Variants in PPP2R5C observed in about 807,000 individuals in gnomAD.
PPP2R5C encodes protein phosphatase 2 regulatory subunit B'gamma, also known as serine/threonine-protein phosphatase 2A 56 kDa regulatory subunit gamma isoform.
In PPP2R5C, 7 loss-of-function variants were observed where a neutral mutation model predicts 68.9. That is an observed-to-expected ratio of 0.10 (90% CI 0.06 to 0.19). The LOEUF (loss-of-function observed/expected upper bound fraction) is 0.19, where lower values mean the gene tolerates loss of function less well. PPP2R5C is among the 10% of genes least tolerant of loss of function. PPP2R5C has a pLI of 1.00. For missense variants in PPP2R5C, 348 were observed against 641.3 expected (o/e 0.54, Z 4.94); for synonymous variants, 210 against 222.2 (o/e 0.95, Z 0.49).
At position 101,781,836 on chromosome 14, in the gene PPP2R5C, G is replaced by A. The variant is rs2140030943; in HGVS notation, c.94-4182G>A. On this transcript the variant is annotated intron_variant, in intron 2 of 14. Transcript: ENST00000328724. The surrounding 1 kb of genome is among the most constrained non-coding windows in gnomAD (Gnocchi z 6.4). ...GTTTCCTTTCCGTCCCGTCTCGGGG[G>A]CTTCATCCTCCAGCCGTGGCCGTGG... 6.6e-6 allele frequency among the ~76,000 whole-genome samples: 1 copy of A among 151,964 alleles called. No homozygotes were observed. The highest frequency in any genetic ancestry group is 2.0e-4 in the East Asian group (1 of 5,106).
At chr14:101,815,905 A>G (rs1194824097) in intron 1 of PPP2R5C, among the ~76,000 whole-genome samples, 2 of 152,156 alleles carry the variant, frequency 1.3e-5, no homozygotes, top group African/African-American at 4.8e-5. Flanking sequence ...CCTGACCTCA[A>G]GTGATCCGCC....
chr14:101,873,843 G>A (rs7147310), intron 2 of PPP2R5C, among the ~76,000 whole-genome samples: 12,818 of 152,156 alleles, frequency 0.084, 1,305 homozygotes, highest in African/African-American at 0.23. Flanking sequence ...AGCCTGGGGC[G>A]GTGTGGGACG....
At chr14:101,802,124 G>A (rs1449505725) in intron 3 of PPP2R5C, among the ~76,000 whole-genome samples, 1 of 152,182 alleles carries the variant, frequency 6.6e-6, no homozygotes, top group Admixed American at 6.5e-5. Context: ...AAAGAATGAA[G>A]CGGGACCTGG....
At chr14:101,791,547 T>A (rs1192463418) in intron 3 of PPP2R5C, among the ~76,000 whole-genome samples, 2 of 152,204 alleles carry the variant, frequency 1.3e-5, no homozygotes, top group Non-Finnish European at 2.9e-5. Flanking sequence ...CCCTGTTAAG[T>A]TGATACGAAA....
chr14:101,897,196 C>G (rs1243080244), intron 8 of PPP2R5C, among the ~76,000 whole-genome samples: 1 of 152,172 alleles, frequency 6.6e-6, no homozygotes, highest in African/African-American at 2.4e-5. Context: ...CAGCATCAAG[C>G]ATAGTCAAGG....
At chr14:101,831,611 T>G (rs2040744985) in intron 1 of PPP2R5C, 7 of 591,580 alleles carry the variant, frequency 1.2e-5, no homozygotes, top group Non-Finnish European at 2.2e-5. Context: ...ATTCCTTAAA[T>G]AAGTACAAGA....
At chr14:101,777,150 C>G (rs1372921997) in intron 2 of PPP2R5C, among the ~76,000 whole-genome samples, 1 of 151,842 alleles carries the variant, frequency 6.6e-6, no homozygotes, top group African/African-American at 2.4e-5. Flanking sequence ...AACGCTCGTT[C>G]CTTTTTATAG....
At position 101,882,296 on chromosome 14, in the gene PPP2R5C, C is replaced by T. The variant is rs1697104513; in HGVS notation, c.405+25C>T. 9 of 1,550,974 alleles carry T rather than the reference C, an allele frequency of 5.8e-6. No homozygotes were observed. The highest frequency in any genetic ancestry group is 4.1e-5 in the African/African-American group (3 of 73,260). On this transcript the variant is annotated intron_variant, in intron 3 of 13. Transcript: ENST00000334743. The surrounding 1 kb of genome is among the most constrained non-coding windows in gnomAD (Gnocchi z 4.9). ...GGTATCGGGCTCTGGGTGATAGACT[C>T]GGAGGGCACTGGTGACACATGGGAA...
At chr14:101,857,298 G>A (rs755959203) in intron 2 of PPP2R5C, among the ~76,000 whole-genome samples, 39 of 152,230 alleles carry the variant, frequency 2.6e-4, no homozygotes, top group Admixed American at 8.5e-4. Flanking sequence ...ATGATGGGAT[G>A]GAGTTGAAAT....
intron 1 of PPP2R5C, among the ~76,000 whole-genome samples, chr14:101,822,079 GC>G (rs756270809): frequency 0.17 from 6,323 of 36,156 alleles, 234 homozygotes; most frequent in Admixed American, 0.27. Flanking sequence ...ACCACCCCCT[GC>G]CCCCCCCCCA....
chr14:101,860,918 GGTGAGGAGCAATTCCCAGGGGAGCC>G (rs2042701298), intron 2 of PPP2R5C, among the ~76,000 whole-genome samples: 8 of 152,160 alleles, frequency 5.3e-5, no homozygotes, highest in Admixed American at 5.2e-4. Context: ...AGATGCGGGT[GGTGAGGAGCAATTCCCAGGGGAGCC>G]AGTTCTTGGC....
intron 1 of PPP2R5C, among the ~76,000 whole-genome samples, chr14:101,817,504 G>T (rs769083173): frequency 6.6e-6 from 1 of 152,176 alleles, no homozygotes; most frequent in Non-Finnish European, 1.5e-5. Flanking sequence ...ACAAAACAGC[G>T]TTTTTGGGGT....
At chr14:101,795,087 C>T (rs763718850) in intron 3 of PPP2R5C, among the ~76,000 whole-genome samples, 7 of 152,106 alleles carry the variant, frequency 4.6e-5, no homozygotes, top group Admixed American at 6.5e-5. Context: ...TTTTAGCAAC[C>T]GTTTATTATT....
In PPP2R5C at chr14:101,883,237, A is replaced by G. The variant is rs764490034; in HGVS notation, c.406-20A>G. 5 of 1,462,268 alleles carry G rather than the reference A, an allele frequency of 3.4e-6. No homozygotes were observed. Among genetic ancestry groups the G allele is most frequent in the Admixed American group, 2.2e-5 (1 of 46,122 alleles). 90.6% of individuals were successfully genotyped at this position (1,462,268 alleles called of 1,614,324 possible). A position where few individuals can be genotyped will look rare whatever the true frequency, so the allele number is the denominator to read the frequency against. Reference sequence around the variant, plus strand: ...AATAAAATCTCATGTTATTTGACTCATTGTTTTTTTTCCTCCTAGCTTGTT... The same window carrying G: ...AATAAAATCTCATGTTATTTGACTCGTTGTTTTTTTTCCTCCTAGCTTGTT... On this transcript the variant is annotated intron_variant, in intron 3 of 13. Coordinates refer to ENST00000334743, the Ensembl canonical transcript of PPP2R5C.
chr14:101,822,064 CCA>C (rs1442901149), intron 1 of PPP2R5C, among the ~76,000 whole-genome samples: 19 of 120,244 alleles, frequency 1.6e-4, no homozygotes, highest in Non-Finnish European at 1.7e-4. Flanking sequence ...AGTGACCCCA[CCA>C]CCACCACCCC....
At chr14:101,780,343 C>T (rs1231748761) in intron 2 of PPP2R5C, among the ~76,000 whole-genome samples, 1 of 152,172 alleles carries the variant, frequency 6.6e-6, no homozygotes, top group East Asian at 1.9e-4. Flanking sequence ...TCCTCCTCTC[C>T]TTTTTCTCCT....
intron 2 of PPP2R5C, chr14:101,766,116 A>G (rs1235106358): frequency 6.6e-6 from 1 of 152,270 alleles, no homozygotes; most frequent in African/African-American, 2.4e-5. Flanking sequence ...TACTTCAAGT[A>G]TATGGCAGGT....
At chr14:101,761,465 G>C (rs1310751566), upstream of PPP2R5C, among the ~76,000 whole-genome samples, 3 of 150,014 alleles carry the variant, frequency 2.0e-5, no homozygotes, top group East Asian at 5.9e-4. Flanking sequence ...TCGGGACGGA[G>C]GGCGGGGGCG....
chr14:101,870,980 T>C, intron 2 of PPP2R5C, among the ~76,000 whole-genome samples: 1 of 152,220 alleles, frequency 6.6e-6, no homozygotes, highest in Non-Finnish European at 1.5e-5. Context: ...AAATATTCAG[T>C]GTATATCCCC....
Sources: allele counts gnomAD v4.1 joint callset (sites outside exome capture counted in the v4.1 genomes callset), GRCh38; gene constraint gnomAD v4.1.1; non-coding constraint Gnocchi (gnomAD v3.1); transcripts MANE v1.5; gene names NCBI Gene and HGNC (gene_info 2026-07-23, HGNC 2026-07-21).